The following UPK1A variants were observed in gnomAD, a reference collection of about 807,000 sequenced individuals.
UPK1A encodes uroplakin 1A, also known as uroplakin-1a.
Under a neutral mutation model 32.3 loss-of-function variants are expected in UPK1A, and 31 were observed. That is an observed-to-expected ratio of 0.96 (90% CI 0.72 to 1.30). UPK1A has a LOEUF of 1.30. Ranked by LOEUF, UPK1A falls within the 50% of genes most tolerant of loss-of-function variation. The pLI, the probability that UPK1A is intolerant of heterozygous loss-of-function variation, is 0.00. For synonymous variants in UPK1A, 135 were observed against 137.1 expected (o/e 0.98, Z 0.11); for missense variants, 340 against 357.4 (o/e 0.95, Z 0.39).
exon 8 of UPK1A, chr19:35,678,213 C>T (rs1968213292): frequency 8.1e-6 from 5 of 620,992 alleles, no homozygotes; most frequent in East Asian, 2.8e-5. Flanking sequence ...AACCCCAGGG[C>T]TTGTGTGCAC....
At chr19:35,673,595 A>G in intron 5 of UPK1A, 50 bp downstream of exon 5, 1 of 1,527,888 alleles carries the variant, frequency 6.5e-7, no homozygotes, top group Non-Finnish European at 9.0e-7. Flanking sequence ...CCGTCCACAG[A>G]GGCCGATAGA....
rs886311211 is a variant in UPK1A, at chr19:35,668,773, G to A, written c.285+119G>A. 1.1e-5 allele frequency: 12 copies of A among 1,141,618 alleles called. No individual in the cohort carries two copies. The African/African-American group carries it at 1.7e-4, about 16-fold the overall frequency. The allele number at this position is 1,141,618 out of a possible 1,614,324, so 70.7% of individuals were successfully genotyped here. A position where few individuals can be genotyped will look rare whatever the true frequency, so the allele number is the denominator to read the frequency against. On this transcript the variant is annotated intron_variant, in intron 3 of 7. Transcript: ENST00000617999. Reference sequence around the variant, plus strand: ...AGTTCCCCATGGTGTCACACTCAGGGATCCCAGGCATCATCTCATTCAGTC... The same window carrying A: ...AGTTCCCCATGGTGTCACACTCAGGAATCCCAGGCATCATCTCATTCAGTC...
At chr19:35,678,270 C>A in exon 8 of UPK1A, 1 of 412,780 alleles carries the variant, frequency 2.4e-6, no homozygotes, top group Non-Finnish European at 4.3e-6. Flanking sequence ...ATCCCACCTC[C>A]CATTCACAGA....
At chr19:35,667,978 C>T (rs1275280966) in intron 2 of UPK1A, 3 of 209,730 alleles carry the variant, frequency 1.4e-5, no homozygotes, top group South Asian at 7.7e-5. Flanking sequence ...TTTGTAGAGA[C>T]GGGGTCTCAC....
chr19:35,668,522 G>C, exon 3 of UPK1A: 1 of 1,614,208 alleles, frequency 6.2e-7, no homozygotes, highest in Non-Finnish European at 8.5e-7. Flanking sequence ...TATACCCACT[G>C]ATGGGAGTCT....
Position 35,668,580 on chromosome 19 carries a change from G to A in UPK1A, c.211G>A (p.Gly71Ser), listed in dbSNP as rs144164811. Residue 71 changes from glycine (G) to serine (S), a missense_variant, in exon 3 of 8, where the codon GGC (glycine) becomes AGC (serine). Transcript: ENST00000617999. ...TGGTGCCTGGATTGCCATCTTCTGC[G>A]GCTTCTCCTTCTTCATGGTAGCCAG... 1.2e-4 allele frequency: 200 copies of A among 1,614,060 alleles called. No homozygotes were observed. The highest frequency in any genetic ancestry group is 9.3e-4 in the African/African-American group (70 of 75,018).
At chr19:35,677,671 A>C (rs887357886) in intron 6 of UPK1A, 141 bp from the exon 7 acceptor site, 1 of 1,094,570 alleles carries the variant, frequency 9.1e-7, no homozygotes, top group Non-Finnish European at 1.3e-6. Context: ...GGAGGTGGAC[A>C]GTGCCATGGT....
exon 6 of UPK1A, chr19:35,675,916 T>C: frequency 6.2e-7 from 1 of 1,613,698 alleles, no homozygotes. Context: ...ACTCCGGAGG[T>C]GGTGTTCCCC....
At chr19:35,668,611 G>T (rs761260282) in exon 3 of UPK1A, 2 of 1,614,024 alleles carry the variant, frequency 1.2e-6, no homozygotes, top group Non-Finnish European at 1.7e-6. Context: ...GCCAGTTTTG[G>T]TGTGGGTGCC....
At chr19:35,675,804 G>T (rs1291398984) in intron 5 of UPK1A, 36 bp from the exon 6 acceptor site, 2 of 1,574,070 alleles carry the variant, frequency 1.3e-6, no homozygotes, top group Non-Finnish European at 1.7e-6. Context: ...TCCTCTCTGA[G>T]CCCGAGCCTG....
intron 5 of UPK1A, among the ~76,000 whole-genome samples, chr19:35,674,241 C>CTTTT (rs35857173): frequency 3.7e-4 from 37 of 98,986 alleles, no homozygotes; most frequent in Non-Finnish European, 4.9e-4. Context: ...TTCTTTTTAT[C>CTTTT]TTTTTTTTTT....
intron 3 of UPK1A, among the ~76,000 whole-genome samples, chr19:35,669,379 T>C (rs1182631334): frequency 1.3e-5 from 2 of 151,916 alleles, no homozygotes; most frequent in Non-Finnish European, 2.9e-5. Flanking sequence ...AAAATGAGCT[T>C]CGTGGCCAGG....
At chr19:35,675,197 T>A (rs1231924402) in intron 5 of UPK1A, among the ~76,000 whole-genome samples, 4 of 152,194 alleles carry the variant, frequency 2.6e-5, no homozygotes, top group Non-Finnish European at 4.4e-5. Flanking sequence ...ATTAAACACC[T>A]GGATTCCTTA....
At chr19:35,673,678 G>A (rs767766739) in intron 5 of UPK1A, 133 bp downstream of exon 5, 33 of 760,134 alleles carry the variant, frequency 4.3e-5, no homozygotes, top group Non-Finnish European at 6.2e-5. Context: ...TAGGAGAGCA[G>A]GGCTGCGGTC....
intron 3 of UPK1A, among the ~76,000 whole-genome samples, chr19:35,669,556 C>A (rs1007078402): frequency 6.6e-6 from 1 of 151,834 alleles, no homozygotes; most frequent in Non-Finnish European, 1.5e-5. Context: ...CTGTAATCCC[C>A]GCTACTCAGG....
chr19:35,672,438 T>A (rs1568347683), intron 3 of UPK1A, among the ~76,000 whole-genome samples: 1 of 152,192 alleles, frequency 6.6e-6, no homozygotes, highest in Non-Finnish European at 1.5e-5. Context: ...ATTTTTGTAT[T>A]TTTGCATTTT....
intron 1 of UPK1A, 125 bp from the exon 2 acceptor site, chr19:35,666,684 C>A: frequency 1.1e-6 from 1 of 926,506 alleles, no homozygotes; most frequent in Non-Finnish European, 1.7e-6. Context: ...GCTGTGGGTA[C>A]ATCAGTACCA....
intron 7 of UPK1A, 29 bp from the exon 8 acceptor site, chr19:35,677,946 G>A: frequency 4.4e-6 from 7 of 1,587,202 alleles, no homozygotes; most frequent in Non-Finnish European, 6.0e-6. Context: ...GGGGGGCGGA[G>A]TGCCCTCATC....
chr19:35,668,480 G>A (rs1353393409), exon 3 of UPK1A: 1 of 1,614,182 alleles, frequency 6.2e-7, no homozygotes, highest in East Asian at 2.2e-5. Context: ...TGTTTGCTGA[G>A]ACCATATGGG....
Sources: allele counts gnomAD v4.1 joint callset (sites outside exome capture counted in the v4.1 genomes callset), GRCh38; gene constraint gnomAD v4.1.1; transcripts MANE v1.5; gene names NCBI Gene and HGNC (gene_info 2026-07-23, HGNC 2026-07-21).